TNIK: variants seen among roughly 807,000 people sequenced by gnomAD.
The protein encoded by TNIK is TRAF2 and NCK interacting kinase, also known as TRAF2 and NCK-interacting protein kinase.
Under a neutral mutation model 191.3 loss-of-function variants are expected in TNIK, and 49 were observed. The ratio of observed to expected loss-of-function variants is 0.26; its 90% CI spans 0.20 to 0.32. TNIK has a LOEUF of 0.32. Ranked by LOEUF, TNIK falls within the 10% of genes least tolerant of loss-of-function variation. TNIK has a pLI of 1.00. For synonymous variants in TNIK, 594 were observed against 600.9 expected (o/e 0.99, Z 0.17); for missense variants, 1,155 against 1,702.3 (o/e 0.68, Z 5.66).
At chr3:171,333,539 A>C (rs572997897) in intron 2 of TNIK, among the ~76,000 whole-genome samples, 1 of 148,602 alleles carries the variant, frequency 6.7e-6, no homozygotes, top group African/African-American at 2.5e-5. Flanking sequence ...GCACCACTGC[A>C]CTCCAACCTG....
intron 2 of TNIK, among the ~76,000 whole-genome samples, chr3:171,255,819 C>T (rs1189229472): frequency 6.6e-6 from 1 of 152,146 alleles, no homozygotes; most frequent in Non-Finnish European, 1.5e-5. Context: ...TTTGGAAGGA[C>T]ATTGAAGAGC....
chr3:171,172,924 C>T (rs753890802), intron 9 of TNIK, among the ~76,000 whole-genome samples: 5 of 152,178 alleles, frequency 3.3e-5, no homozygotes, highest in Non-Finnish European at 7.3e-5. Context: ...AATCAGACTG[C>T]ATTGTCCTAA....
intron 1 of TNIK, among the ~76,000 whole-genome samples, chr3:171,453,159 G>A (rs1446309793): frequency 6.6e-6 from 1 of 152,138 alleles, no homozygotes; most frequent in Non-Finnish European, 1.5e-5. Flanking sequence ...TTTGTTGAAC[G>A]AACGCCTGCT....
chr3:171,080,084 CAA>C, intron 27 of TNIK, among the ~76,000 whole-genome samples: 1 of 152,138 alleles, frequency 6.6e-6, no homozygotes, highest in South Asian at 2.1e-4. Context: ...TAATAACAAA[CAA>C]GAGGATAATA....
chr3:171,191,350 C>A (rs531344481), intron 5 of TNIK, among the ~76,000 whole-genome samples: 9 of 152,278 alleles, frequency 5.9e-5, no homozygotes, highest in Middle Eastern at 6.8e-3. Context: ...TGGATTCAAG[C>A]GACTGCCTCA....
chr3:171,335,228 G>A (rs1756843367), intron 2 of TNIK, among the ~76,000 whole-genome samples: 1 of 152,132 alleles, frequency 6.6e-6, no homozygotes, highest in African/African-American at 2.4e-5. Context: ...TTGTTGAAAG[G>A]CTGGACAAAT....
chr3:171,355,317 T>C (rs1214888896), intron 2 of TNIK, among the ~76,000 whole-genome samples: 1 of 152,130 alleles, frequency 6.6e-6, no homozygotes, highest in Non-Finnish European at 1.5e-5. Flanking sequence ...TTGGCTTCTG[T>C]GATAGGTTTC....
chr3:171,208,548 T>A (rs1277502468), intron 4 of TNIK, among the ~76,000 whole-genome samples: 1 of 103,778 alleles, frequency 9.6e-6, no homozygotes, highest in Non-Finnish European at 2.0e-5. Context: ...AAGTCCTATT[T>A]TATTTTTGTG....
At chr3:171,397,804 A>G (rs928477659) in intron 1 of TNIK, among the ~76,000 whole-genome samples, 2 of 152,232 alleles carry the variant, frequency 1.3e-5, no homozygotes, top group African/African-American at 2.4e-5. Flanking sequence ...GAGTTTATCA[A>G]TGAAACTATT....
In TNIK at chr3:171,159,248, G is replaced by A. The variant is rs952088361; in HGVS notation, c.1017-1584C>T. 1.3e-5 allele frequency among the ~76,000 whole-genome samples: 2 copies of A among 151,942 alleles called. No individual in the cohort carries two copies. The highest frequency in any genetic ancestry group is 4.8e-5 in the African/African-American group (2 of 41,356). ...TTTGGGGATAGAGGTCACGAAGCCTGTGGACAGATCTGACATGTGGAGTGA... is the reference window on the plus strand; with the variant it reads ...TTTGGGGATAGAGGTCACGAAGCCTATGGACAGATCTGACATGTGGAGTGA... On this transcript the variant is annotated intron_variant, in intron 11 of 32. Coordinates refer to ENST00000436636, the MANE Select transcript of TNIK (RefSeq NM_015028.4). The surrounding 1 kb of genome is among the most constrained non-coding windows in gnomAD (Gnocchi z 4.1).
At chr3:171,233,471 G>A (rs1489156901) in intron 2 of TNIK, among the ~76,000 whole-genome samples, 1 of 152,118 alleles carries the variant, frequency 6.6e-6, no homozygotes, top group Non-Finnish European at 1.5e-5. Context: ...TATCATCTGT[G>A]TATCAATCAT....
chr3:171,241,035 CT>C (rs113654211), intron 2 of TNIK, among the ~76,000 whole-genome samples: 66 of 142,536 alleles, frequency 4.6e-4, no homozygotes, highest in East Asian at 1.6e-3. Flanking sequence ...TTTTTCTTTT[CT>C]TTTTTTTTTT....
At chr3:171,071,932 G>T (rs1719236962) in intron 28 of TNIK, among the ~76,000 whole-genome samples, 1 of 152,080 alleles carries the variant, frequency 6.6e-6, no homozygotes, top group Non-Finnish European at 1.5e-5. Context: ...TAAATTCTAT[G>T]GACAGAAGCT....
At chr3:171,437,112 A>C (rs556428898) in intron 1 of TNIK, among the ~76,000 whole-genome samples, 11 of 152,310 alleles carry the variant, frequency 7.2e-5, no homozygotes, top group African/African-American at 1.2e-4. Flanking sequence ...AGGAAGAGTC[A>C]ATTTAATACA....
intron 2 of TNIK, among the ~76,000 whole-genome samples, chr3:171,278,659 A>G (rs761035036): frequency 3.0e-4 from 46 of 152,092 alleles, no homozygotes; most frequent in Non-Finnish European, 5.3e-4. Context: ...GGAAACCATT[A>G]AAAAACAGGA....
intron 2 of TNIK, among the ~76,000 whole-genome samples, chr3:171,279,072 G>C (rs1750124621): frequency 6.6e-6 from 1 of 151,746 alleles, no homozygotes; most frequent in Admixed American, 6.6e-5. Context: ...CTAATTCTTG[G>C]TATTTGGATG....
chr3:171,351,949 A>G (rs1713280197), intron 2 of TNIK, among the ~76,000 whole-genome samples: 1 of 152,204 alleles, frequency 6.6e-6, no homozygotes, highest in Admixed American at 6.5e-5. Flanking sequence ...GCATTCCACT[A>G]ATCAAGCTAT....
At chr3:171,442,613 G>A (rs370049035) in intron 1 of TNIK, among the ~76,000 whole-genome samples, 23 of 152,184 alleles carry the variant, frequency 1.5e-4, no homozygotes, top group African/African-American at 5.5e-4. Context: ...TCATAGAGAG[G>A]CTTCCTCCTG....
intron 1 of TNIK, 111 bp from the exon 2 acceptor site, chr3:171,369,796 AG>A (rs1467854268): frequency 1.2e-6 from 1 of 822,192 alleles, no homozygotes; most frequent in Non-Finnish European, 1.9e-6. Flanking sequence ...CTTTAGCTTC[AG>A]GGGCTCTCAT....
Sources: allele counts gnomAD v4.1 joint callset (sites outside exome capture counted in the v4.1 genomes callset), GRCh38; gene constraint gnomAD v4.1.1; non-coding constraint Gnocchi (gnomAD v3.1); transcripts MANE v1.5; gene names NCBI Gene and HGNC (gene_info 2026-07-23, HGNC 2026-07-21).